The following PDS5A variants were observed in gnomAD, a reference collection of about 807,000 sequenced individuals.
The protein encoded by PDS5A is PDS5 cohesin associated factor A.
PDS5A carries 42 observed loss-of-function variants against 167.1 expected under a neutral mutation model. The observed-to-expected ratio is 0.25, with a 90% CI of 0.20 to 0.33. PDS5A has a LOEUF of 0.33. Among genes scored for constraint, PDS5A ranks in the 10% least tolerant of loss-of-function variants. The pLI, the probability that PDS5A is intolerant of heterozygous loss-of-function variation, is 1.00. For synonymous variants in PDS5A, 553 were observed against 554.6 expected, an observed-to-expected ratio of 1.00 and a Z score of 0.04; for missense variants, 1,033 against 1,605.9, an observed-to-expected ratio of 0.64 and a Z score of 6.10.
intron 32 of PDS5A, among the ~76,000 whole-genome samples, chr4:39,826,179 GGC>G (rs1237913328): frequency 7.8e-6 from 1 of 128,786 alleles, no homozygotes; most frequent in Non-Finnish European, 1.8e-5. Flanking sequence ...CAACCAAACT[GGC>G]GTGTTTTTTT....
intron 26 of PDS5A, among the ~76,000 whole-genome samples, chr4:39,857,989 A>G (rs761696680): frequency 2.0e-5 from 3 of 152,196 alleles, no homozygotes; most frequent in Admixed American, 2.0e-4. Flanking sequence ...ATGTTTAGAA[A>G]TAAATTTAAC....
intron 21 of PDS5A, among the ~76,000 whole-genome samples, chr4:39,872,258 C>A (rs977282786): frequency 6.7e-6 from 1 of 149,726 alleles, no homozygotes; most frequent in Admixed American, 6.7e-5. Context: ...CTCACTGCAA[C>A]CTCTGCCTTC....
chr4:39,843,832 C>A (rs1273583194), intron 30 of PDS5A, among the ~76,000 whole-genome samples: 1 of 152,080 alleles, frequency 6.6e-6, no homozygotes, highest in Non-Finnish European at 1.5e-5. Context: ...GCAGTACATT[C>A]TTGATTTCCT....
At chr4:39,943,769 T>C (rs925359815) in intron 2 of PDS5A, among the ~76,000 whole-genome samples, 4 of 151,870 alleles carry the variant, frequency 2.6e-5, no homozygotes, top group African/African-American at 9.7e-5. Context: ...ATCGTATCAC[T>C]GCACTCCAGC....
intron 7 of PDS5A, among the ~76,000 whole-genome samples, chr4:39,919,692 A>G (rs1272052085): frequency 2.0e-5 from 3 of 152,200 alleles, no homozygotes; most frequent in African/African-American, 7.2e-5. Flanking sequence ...AGTTATAAAT[A>G]TGAGCAAATG....
At chr4:39,935,090 A>C (rs1447530165) in intron 2 of PDS5A, among the ~76,000 whole-genome samples, 1 of 152,192 alleles carries the variant, frequency 6.6e-6, no homozygotes, top group African/African-American at 2.4e-5. Flanking sequence ...TCATTACCTA[A>C]CCAAAAGTTG....
chr4:39,922,682 A>T lies in PDS5A; in HGVS notation c.594T>A (p.Gly198=), dbSNP rs2109718606. Residue 198 remains glycine (G), a synonymous_variant, in exon 6 of 33, where the codon GGT becomes GGA. Transcript: ENST00000303538. The stretch of plus-strand genomic sequence containing the variant: ...CCAATAATTCTTGAGTAACTCCATC[A>T]CCTTCCATGATGATAGAACTCATCA... ...LDLMSSIIME[G]DGVTQELLDS... is the part of the protein sequence containing the mutation. The T allele has an allele frequency of 6.2e-7, 1 of 1,603,486 alleles. No individual in the cohort carries two copies. The highest frequency in any genetic ancestry group is 8.5e-7 in the Non-Finnish European group (1 of 1,174,764).
intron 18 of PDS5A, 64 bp downstream of exon 18, chr4:39,879,664 C>G: frequency 1.1e-6 from 1 of 907,312 alleles, no homozygotes; most frequent in African/African-American, 1.6e-5. Context: ...TCTTGCATAT[C>G]CTGAAGGGAA....
At chr4:39,917,936 T>C (rs953263813) in intron 7 of PDS5A, among the ~76,000 whole-genome samples, 1 of 151,244 alleles carries the variant, frequency 6.6e-6, no homozygotes, top group Non-Finnish European at 1.5e-5. Flanking sequence ...TCCCAGCACT[T>C]TGGGAAGCCG....
chr4:39,919,793 A>C (rs1168934479), intron 7 of PDS5A, among the ~76,000 whole-genome samples: 2 of 152,138 alleles, frequency 1.3e-5, no homozygotes, highest in East Asian at 3.8e-4. Context: ...CCCAGAACAA[A>C]TTCCTCAGTA....
chr4:39,865,608 C>T (rs1719371330), intron 23 of PDS5A, among the ~76,000 whole-genome samples: 1 of 152,244 alleles, frequency 6.6e-6, no homozygotes, highest in African/African-American at 2.4e-5. Flanking sequence ...ACACTGCAAC[C>T]TCCACCTCCT....
intron 3 of PDS5A, 129 bp from the exon 4 acceptor site, chr4:39,926,990 G>A: frequency 1.4e-6 from 1 of 730,800 alleles, no homozygotes; most frequent in Non-Finnish European, 1.9e-6. Flanking sequence ...TGAATGTCTT[G>A]GGATTGGCCT....
intron 12 of PDS5A, among the ~76,000 whole-genome samples, chr4:39,903,042 G>A (rs910842217): frequency 1.3e-5 from 2 of 149,744 alleles, no homozygotes; most frequent in African/African-American, 4.9e-5. Context: ...CTAAACACAG[G>A]GTGCTAGGCT....
At chr4:39,949,974 C>T (rs1174308510) in intron 2 of PDS5A, among the ~76,000 whole-genome samples, 1 of 151,998 alleles carries the variant, frequency 6.6e-6, no homozygotes, top group Non-Finnish European at 1.5e-5. Flanking sequence ...GGCATGATCT[C>T]GGCTCACCAC....
At chr4:39,955,430 C>T (rs756231571) in intron 2 of PDS5A, among the ~76,000 whole-genome samples, 10 of 151,852 alleles carry the variant, frequency 6.6e-5, no homozygotes, top group Non-Finnish European at 1.5e-4. Context: ...GGTGAAACCC[C>T]GTCTCTACCA....
intron 2 of PDS5A, among the ~76,000 whole-genome samples, chr4:39,948,130 T>C (rs573452830): frequency 6.8e-6 from 1 of 146,746 alleles, no homozygotes; most frequent in South Asian, 2.1e-4. Flanking sequence ...CACGTACCAG[T>C]AGTCTCAGCT....
chr4:39,854,154 T>G (rs1718344179), intron 26 of PDS5A, among the ~76,000 whole-genome samples: 1 of 151,986 alleles, frequency 6.6e-6, no homozygotes, highest in South Asian at 2.1e-4. Context: ...AATACAAAAA[T>G]TAGCTGGGCA....
intron 11 of PDS5A, 105 bp from the exon 12 acceptor site, chr4:39,904,296 T>C (rs1723121703): frequency 1.7e-6 from 1 of 585,550 alleles, no homozygotes; most frequent in Non-Finnish European, 2.8e-6. Context: ...TGTGTGCCTT[T>C]ATAAACTGGC....
At chr4:39,904,381 T>C (rs943383692) in intron 11 of PDS5A, among the ~76,000 whole-genome samples, 190 bp from the exon 12 acceptor site, 9 of 152,130 alleles carry the variant, frequency 5.9e-5, no homozygotes, top group Admixed American at 4.6e-4. Context: ...CTCTGTCGCC[T>C]AGGCTGGAGT....
Sources: allele counts gnomAD v4.1 joint callset (sites outside exome capture counted in the v4.1 genomes callset), GRCh38; gene constraint gnomAD v4.1.1; transcripts MANE v1.5; gene names NCBI Gene and HGNC (gene_info 2026-07-23, HGNC 2026-07-21).